The following ANTXR2 variants were observed in gnomAD, a reference collection of about 807,000 sequenced individuals.
The protein encoded by ANTXR2 is ANTXR cell adhesion molecule 2, also known as anthrax toxin receptor 2.
Under a neutral mutation model 73.7 loss-of-function variants are expected in ANTXR2, and 44 were observed. That is an observed-to-expected ratio of 0.60 (90% CI 0.47 to 0.77). The LOEUF (loss-of-function observed/expected upper bound fraction) is 0.77. Among genes scored for constraint, ANTXR2 ranks in the 30% least tolerant of loss-of-function variants. The pLI, the probability that ANTXR2 is intolerant of heterozygous loss-of-function variation, is 0.00. For synonymous variants in ANTXR2, 217 were observed against 205.9 expected (o/e 1.05, Z -0.46); for missense variants, 604 against 592.5 (o/e 1.02, Z -0.20).
At position 80,030,896 on chromosome 4, in the gene ANTXR2, G is replaced by A. The variant is rs1732658127; in HGVS notation, c.866+727C>T. ...ACTATCTTAAACATGCTCTACTGTT[G>A]GGCTAGAGAATATCTGAACTATTTG... On this transcript the variant is annotated intron_variant, in intron 10 of 16. Transcript: ENST00000403729. Among the ~76,000 whole-genome samples the A allele has an allele frequency of 2.0e-5, 3 of 151,754 alleles. No homozygotes were observed. In the South Asian group the frequency reaches 6.2e-4, roughly 32 times the overall value.
intron 10 of ANTXR2, among the ~76,000 whole-genome samples, chr4:80,023,656 G>A (rs889379833): frequency 6.6e-6 from 1 of 152,168 alleles, no homozygotes. Flanking sequence ...TCGACTACAG[G>A]ATGAAGCTTA....
chr4:80,046,517 T>G (rs28377689), intron 7 of ANTXR2, among the ~76,000 whole-genome samples: 67,820 of 151,454 alleles, frequency 0.45, 16,317 homozygotes, highest in Non-Finnish European at 0.53. Flanking sequence ...AAGAAACTTG[T>G]TCATGGTATA....
At chr4:79,989,863 C>T (rs1458022903) in intron 12 of ANTXR2, among the ~76,000 whole-genome samples, 1 of 151,938 alleles carries the variant, frequency 6.6e-6, no homozygotes, top group Non-Finnish European at 1.5e-5. Context: ...ATTACATGAA[C>T]AGAACTAAAA....
intron 16 of ANTXR2, among the ~76,000 whole-genome samples, chr4:79,945,181 T>A (rs1331990856): frequency 2.0e-5 from 3 of 152,098 alleles, no homozygotes; most frequent in African/African-American, 7.2e-5. Context: ...TATGCATCAA[T>A]TTCTTGCCCA....
intron 16 of ANTXR2, among the ~76,000 whole-genome samples, chr4:79,909,029 T>C (rs1293411017): frequency 1.3e-5 from 2 of 152,158 alleles, no homozygotes; most frequent in African/African-American, 2.4e-5. Context: ...AAAAAAGTAG[T>C]GCTTCTAAAA....
At chr4:79,950,330 T>C (rs111861079) in intron 16 of ANTXR2, among the ~76,000 whole-genome samples, 1 of 152,136 alleles carries the variant, frequency 6.6e-6, no homozygotes, top group African/African-American at 2.4e-5. Flanking sequence ...CCCTCATCTC[T>C]TAGTTATTAC....
rs1413342999 is a variant in ANTXR2 at position 80,072,574 on chromosome 4, G to C, written c.-14C>G. 3.3e-6 allele frequency: 5 copies of C among 1,517,230 alleles called. No homozygotes were observed. Among genetic ancestry groups the C allele is most frequent in the Non-Finnish European group, 8.8e-7 (1 of 1,134,826 alleles). The allele number at this position is 1,517,230 out of a possible 1,614,324, so 94.0% of individuals were successfully genotyped here. The stretch of plus-strand genomic sequence containing the variant: ...CTCCGCCACCATCCTGCGGCCGGGG[G>C]CCTGAGACTCCCTCCCGCTCGCAGT... On this transcript the variant is annotated 5_prime_UTR_variant, in exon 1 of 17. Coordinates refer to ENST00000403729, the MANE Select transcript of ANTXR2 (RefSeq NM_058172.6).
intron 1 of ANTXR2, 39 bp from the exon 2 acceptor site, chr4:80,071,693 C>T: frequency 1.3e-6 from 2 of 1,506,072 alleles, no homozygotes; most frequent in Non-Finnish European, 1.8e-6. Flanking sequence ...AAACAAAACA[C>T]GGAACTGAAA....
intron 2 of ANTXR2, among the ~76,000 whole-genome samples, chr4:80,070,298 G>A (rs1734729713): frequency 6.6e-6 from 1 of 152,166 alleles, no homozygotes; most frequent in Admixed American, 6.5e-5. Context: ...GTTAGTAATT[G>A]AGCAACTAGG....
intron 16 of ANTXR2, among the ~76,000 whole-genome samples, chr4:79,960,755 G>T (rs1729109804): frequency 6.6e-6 from 1 of 151,726 alleles, no homozygotes; most frequent in African/African-American, 2.4e-5. Flanking sequence ...ATTTGATTCA[G>T]AGTACAATTA....
intron 12 of ANTXR2, among the ~76,000 whole-genome samples, chr4:80,005,027 T>C (rs929102778): frequency 6.6e-6 from 1 of 152,298 alleles, no homozygotes; most frequent in Middle Eastern, 3.4e-3. Context: ...TATGAGATTT[T>C]AAACTCTGGA....
intron 7 of ANTXR2, among the ~76,000 whole-genome samples, chr4:80,050,643 C>T (rs72655042): frequency 1.3e-5 from 2 of 151,512 alleles, no homozygotes; most frequent in Non-Finnish European, 3.0e-5. Context: ...ATTACATTGC[C>T]GGACATACCC....
chr4:79,946,298 A>G (rs1168375928), intron 16 of ANTXR2, among the ~76,000 whole-genome samples: 1 of 152,150 alleles, frequency 6.6e-6, no homozygotes, highest in Non-Finnish European at 1.5e-5. Flanking sequence ...AACAAACTCT[A>G]AGACAAAGAT....
intron 16 of ANTXR2, among the ~76,000 whole-genome samples, chr4:79,947,080 C>T (rs1728542135): frequency 6.6e-6 from 1 of 152,076 alleles, no homozygotes; most frequent in Non-Finnish European, 1.5e-5. Context: ...AATCAAAGTC[C>T]TTACTTCTCA....
At chr4:80,005,174 C>T (rs1225307998) in intron 12 of ANTXR2, among the ~76,000 whole-genome samples, 1 of 152,036 alleles carries the variant, frequency 6.6e-6, no homozygotes, top group African/African-American at 2.4e-5. Flanking sequence ...TTTCCATGTT[C>T]TCTGTATTGA....
chr4:80,069,819 C>G (rs1734698390), intron 2 of ANTXR2, among the ~76,000 whole-genome samples: 1 of 152,176 alleles, frequency 6.6e-6, no homozygotes, highest in South Asian at 2.1e-4. Flanking sequence ...TTCCTCTTCC[C>G]TTGGTTTTCT....
rs1726764067 is a variant in ANTXR2 at position 79,902,928 on chromosome 4, T to C, written c.*4501A>G. ...CATTTGGGAGACTGAGGCAGGAGGA[T>C]CACTTGAGGCCAGGTGTTTGAGACC... On this transcript the variant is annotated 3_prime_UTR_variant, in exon 17 of 17. Transcript: ENST00000403729. 1 of 152,018 alleles carries C rather than the reference T, an allele frequency of 6.6e-6. No individual in the cohort carries two copies. Among genetic ancestry groups the C allele is most frequent in the Non-Finnish European group, 1.5e-5 (1 of 68,042 alleles). 9.4% of individuals were successfully genotyped at this position (152,018 alleles called of 1,614,324 possible).
chr4:80,026,175 G>T lies in ANTXR2; in HGVS notation c.866+5448C>A, dbSNP rs111830753. ...CCGTGTAAAGGGAGGATCCTGATAA[G>T]AGGTGAATGGGTTATGGGGATGGTT... On this transcript the variant is annotated intron_variant, in intron 10 of 16. Transcript: ENST00000403729. Among the ~76,000 whole-genome samples, 1,113 of 152,234 alleles carry T rather than the reference G, an allele frequency of 7.3e-3. 11 individuals are homozygous for T. Among genetic ancestry groups the T allele is most frequent in the African/African-American group, 0.025 (1,044 of 41,552 alleles).
At chr4:80,030,882 C>T (rs1234268218) in intron 10 of ANTXR2, among the ~76,000 whole-genome samples, 2 of 151,958 alleles carry the variant, frequency 1.3e-5, no homozygotes, top group Admixed American at 6.6e-5. Flanking sequence ...CTATCTTAAA[C>T]ATGCTCTACT....
Sources: gnomAD v4.1 joint callset for allele counts (sites outside exome capture counted in the v4.1 genomes callset) on GRCh38, gnomAD v4.1.1 for gene constraint, MANE v1.5 for transcripts, NCBI Gene and HGNC (gene_info 2026-07-23, HGNC 2026-07-21) for gene names.